Variants in PRKCA observed in about 807,000 individuals in gnomAD.
PRKCA encodes the protein protein kinase C alpha.
In PRKCA, 27 loss-of-function variants were observed where a neutral mutation model predicts 87.0. The observed-to-expected ratio is 0.31, with a 90% confidence interval of 0.23 to 0.43. The LOEUF (loss-of-function observed/expected upper bound fraction) is 0.43, where lower values mean the gene tolerates loss of function less well. Ranked by LOEUF, PRKCA falls within the 20% of genes least tolerant of loss-of-function variation. PRKCA has a pLI of 1.00. For missense variants in PRKCA, 518 were observed against 852.3 expected (o/e 0.61, Z 4.88); for synonymous variants, 329 against 311.1 (o/e 1.06, Z -0.61).
intron 5 of PRKCA, among the ~76,000 whole-genome samples, chr17:66,668,865 G>A (rs1455371592): frequency 6.6e-6 from 1 of 152,182 alleles, no homozygotes; most frequent in Admixed American, 6.5e-5. Context: ...CACTCTGGGA[G>A]GCCAAGGCAA....
In PRKCA at chr17:66,345,693, T is replaced by G. The variant is rs192762959; in HGVS notation, c.205+39566T>G. 2.0e-5 allele frequency among the ~76,000 whole-genome samples: 3 copies of G among 152,326 alleles called. No homozygotes were observed. In the East Asian group the frequency reaches 5.8e-4, roughly 29 times the overall value. ...GACTTATTTCTCTTACCTTAAAACTTGAGTTATTTCATCGTAAAATTGCAG... is the reference window on the plus strand; with the variant it reads ...GACTTATTTCTCTTACCTTAAAACTGGAGTTATTTCATCGTAAAATTGCAG... On this transcript the variant is annotated intron_variant, in intron 2 of 16. Transcript: ENST00000413366.
At chr17:66,696,332 G>A (rs554975748) in intron 8 of PRKCA, 1 of 152,262 alleles carries the variant, frequency 6.6e-6, no homozygotes, top group African/African-American at 2.4e-5. Flanking sequence ...ATTTAAAATA[G>A]CCATAGTTTC....
intron 3 of PRKCA, 77 bp from the exon 4 acceptor site, chr17:66,641,277 TG>T: frequency 2.1e-6 from 2 of 953,352 alleles, no homozygotes; most frequent in Non-Finnish European, 1.6e-6. Flanking sequence ...TGGGGAGTGG[TG>T]GGGCCTGAGC....
chr17:66,794,238 T>A (rs770892989), intron 16 of PRKCA, among the ~76,000 whole-genome samples: 21 of 152,212 alleles, frequency 1.4e-4, no homozygotes, highest in Non-Finnish European at 2.2e-4. Context: ...ATTCTGTTTT[T>A]TAAAAGGCAG....
intron 5 of PRKCA, among the ~76,000 whole-genome samples, chr17:66,662,771 T>G (rs1971943066): frequency 6.6e-6 from 1 of 151,990 alleles, no homozygotes; most frequent in Non-Finnish European, 1.5e-5. Context: ...ACTCTCAGAT[T>G]AAAGACAGCA....
chr17:66,729,842 G>A (rs1477562930), intron 8 of PRKCA, among the ~76,000 whole-genome samples: 5 of 138,864 alleles, frequency 3.6e-5, no homozygotes, highest in African/African-American at 1.4e-4. Context: ...CTGGAGTGCA[G>A]TGGCACAATC....
At position 66,302,808 on chromosome 17, in the gene PRKCA, G is replaced by T. The variant is rs557872577; in HGVS notation, c.-44G>T. On this transcript the variant is annotated 5_prime_UTR_variant, in exon 1 of 17. Transcript: ENST00000413366. ...CGCCCCCGCCCACCCGGCCCTCCGC[G>T]GCCGCAGCTCCCCGGCGGAGGCAAG... is the stretch of plus-strand genomic sequence containing the variant. The T allele has an allele frequency of 3.9e-6, 5 of 1,293,340 alleles. No individual in the cohort carries two copies. The highest frequency in any genetic ancestry group is 3.2e-5 in the African/African-American group (2 of 62,894). 80.1% of individuals were successfully genotyped at this position (1,293,340 alleles called of 1,614,324 possible).
chr17:66,488,327 A>T (rs1189911874), intron 2 of PRKCA, among the ~76,000 whole-genome samples: 3 of 152,192 alleles, frequency 2.0e-5, no homozygotes, highest in Non-Finnish European at 4.4e-5. Flanking sequence ...GACATTTTTA[A>T]AGGGTATTTA....
chr17:66,735,374 C>T, intron 9 of PRKCA, 115 bp from the exon 10 acceptor site: 1 of 1,054,124 alleles, frequency 9.5e-7, no homozygotes, highest in South Asian at 1.4e-5. Flanking sequence ...TTTTATGTTC[C>T]ACATTGACAA....
At chr17:66,449,233 G>A (rs1019672217) in intron 2 of PRKCA, among the ~76,000 whole-genome samples, 2 of 152,040 alleles carry the variant, frequency 1.3e-5, no homozygotes, top group Non-Finnish European at 2.9e-5. Context: ...AAGTGGTAGT[G>A]AGCAGCGATA....
chr17:66,449,341 A>G (rs1914196804), intron 2 of PRKCA, among the ~76,000 whole-genome samples: 1 of 152,162 alleles, frequency 6.6e-6, no homozygotes, highest in Non-Finnish European at 1.5e-5. Flanking sequence ...TTTAAAGTGA[A>G]TGGATAGGTA....
chr17:66,691,070 G>A (rs1175294909), intron 8 of PRKCA, among the ~76,000 whole-genome samples: 1 of 151,930 alleles, frequency 6.6e-6, no homozygotes, highest in Admixed American at 6.6e-5. Flanking sequence ...GAACCTGGGA[G>A]GCAGAGGTTA....
rs530820833 is a variant in PRKCA at position 66,726,553 on chromosome 17, G to C, written c.919-6135G>C. Among the ~76,000 whole-genome samples, 5 of 152,286 alleles carry C rather than the reference G, an allele frequency of 3.3e-5. No individual in the cohort carries two copies. In the South Asian group the frequency reaches 1.0e-3, roughly 32 times the overall value. On this transcript the variant is annotated intron_variant, in intron 8 of 16. Transcript: ENST00000413366. ...GGGAAGGGCGGAGCTGGCGTCCCAA[G>C]GCAGGAGACAGGTGGGAGCTTGCGG... is the stretch of plus-strand genomic sequence containing the variant.
chr17:66,784,867 C>G (rs1226644570), intron 14 of PRKCA, among the ~76,000 whole-genome samples: 3 of 152,024 alleles, frequency 2.0e-5, no homozygotes, highest in African/African-American at 7.2e-5. Flanking sequence ...CTGGTGGGTG[C>G]CCCCCCAAGC....
At chr17:66,530,044 A>C (rs1425261885) in intron 3 of PRKCA, among the ~76,000 whole-genome samples, 1 of 152,200 alleles carries the variant, frequency 6.6e-6, no homozygotes, top group Non-Finnish European at 1.5e-5. Context: ...TGGATTGTCC[A>C]TAGAATGCAC....
chr17:66,716,450 C>T (rs1973474839), intron 8 of PRKCA, among the ~76,000 whole-genome samples: 1 of 152,178 alleles, frequency 6.6e-6, no homozygotes, highest in Admixed American at 6.6e-5. Context: ...CATCAGCTAG[C>T]TCCCTGGTGG....
chr17:66,690,066 G>GTGGTCT (rs1972738374), intron 8 of PRKCA, among the ~76,000 whole-genome samples: 1 of 152,102 alleles, frequency 6.6e-6, no homozygotes, highest in African/African-American at 2.4e-5. Flanking sequence ...GTGGGGAAGA[G>GTGGTCT]TGGTCTTGGG....
chr17:66,638,737 A>G (rs939117780), intron 3 of PRKCA, among the ~76,000 whole-genome samples: 1 of 152,000 alleles, frequency 6.6e-6, no homozygotes, highest in South Asian at 2.1e-4. Context: ...AGTCCCAGCT[A>G]CTCGGGGGGC....
intron 2 of PRKCA, among the ~76,000 whole-genome samples, chr17:66,336,649 T>TTAA (rs1385704669): frequency 9.8e-5 from 13 of 132,136 alleles, no homozygotes; most frequent in African/African-American, 4.8e-4. Flanking sequence ...TAGTAAATTA[T>TTAA]TAAACATTTG....
Sources: allele counts gnomAD v4.1 joint callset (sites outside exome capture counted in the v4.1 genomes callset), GRCh38; gene constraint gnomAD v4.1.1; transcripts MANE v1.5; gene names NCBI Gene and HGNC (gene_info 2026-07-23, HGNC 2026-07-21).